ENOX1: variants seen among roughly 807,000 people sequenced by gnomAD.
ENOX1 encodes candidate growth-related and time keeping constitutive hydroquinone (NADH) oxidase.
ENOX1 carries 42 observed loss-of-function variants against 82.5 expected under a neutral mutation model. The ratio of observed to expected loss-of-function variants is 0.51; its 90% CI spans 0.40 to 0.66. The LOEUF (loss-of-function observed/expected upper bound fraction) is 0.66, where lower values mean the gene tolerates loss of function less well. Ranked by LOEUF, ENOX1 falls within the 30% of genes least tolerant of loss-of-function variation. The pLI is 0.00. For synonymous variants in ENOX1, 271 were observed against 282.2 expected, an observed-to-expected ratio of 0.96 and a Z score of 0.40; for missense variants, 608 against 811.6, an observed-to-expected ratio of 0.75 and a Z score of 3.05.
chr13:43,620,625 C>A (rs1157525285), intron 2 of ENOX1, among the ~76,000 whole-genome samples: 1 of 151,986 alleles, frequency 6.6e-6, no homozygotes, highest in Non-Finnish European at 1.5e-5. Context: ...GATATAATTT[C>A]GATTTTCTTA....
intron 3 of ENOX1, among the ~76,000 whole-genome samples, chr13:43,418,539 T>A (rs2054777143): frequency 6.6e-6 from 1 of 152,090 alleles, no homozygotes; most frequent in Non-Finnish European, 1.5e-5. Flanking sequence ...AAAATAAAAA[T>A]AAATAAAAAT....
At position 43,711,188 on chromosome 13, in the gene ENOX1, C is replaced by A. The variant is rs544330931; in HGVS notation, c.-284-43644G>T. Among the ~76,000 whole-genome samples the A allele has an allele frequency of 2.1e-4, 31 of 150,628 alleles. 1 individual carries two copies. In the South Asian group the frequency reaches 6.3e-3, roughly 31 times the overall value. On this transcript the variant is annotated intron_variant, in intron 1 of 16. Coordinates refer to ENST00000690772, the MANE Select transcript of ENOX1 (RefSeq NM_001347969.2). ...TGCGGTGTTTGGTTTTTTGTCCTTG[C>A]GATAGTTTGCTTAGAATGATGGTTT... is the stretch of plus-strand genomic sequence containing the variant.
intron 1 of ENOX1, among the ~76,000 whole-genome samples, chr13:43,749,686 T>C (rs1045921153): frequency 1.3e-5 from 2 of 152,250 alleles, no homozygotes; most frequent in Admixed American, 6.5e-5. Context: ...TTTTCTGTAC[T>C]GAGAGTAACA....
intron 3 of ENOX1, among the ~76,000 whole-genome samples, chr13:43,471,379 TC>T (rs1178158326): frequency 2.0e-5 from 3 of 152,102 alleles, no homozygotes; most frequent in Non-Finnish European, 4.4e-5. Context: ...GGAAATTCAC[TC>T]ATAAAAGTTG....
chr13:43,262,715 G>T (rs1435036801), intron 14 of ENOX1, among the ~76,000 whole-genome samples: 1 of 152,114 alleles, frequency 6.6e-6, no homozygotes, highest in South Asian at 2.1e-4. Context: ...AGGCTCAAGA[G>T]ATCCGCCCAC....
intron 5 of ENOX1, among the ~76,000 whole-genome samples, chr13:43,372,329 G>T (rs1429441542): frequency 1.3e-5 from 2 of 152,236 alleles, no homozygotes; most frequent in Non-Finnish European, 2.9e-5. Context: ...TGTGTTCACA[G>T]AATAAATGGA....
intron 12 of ENOX1, among the ~76,000 whole-genome samples, chr13:43,271,900 T>A (rs1025387514): frequency 1.2e-4 from 18 of 152,156 alleles, no homozygotes; most frequent in Non-Finnish European, 2.4e-4. Flanking sequence ...TTTTGTGTGT[T>A]TTTTTATGTG....
At chr13:43,524,004 T>G (rs1184494713) in intron 2 of ENOX1, among the ~76,000 whole-genome samples, 1 of 151,858 alleles carries the variant, frequency 6.6e-6, no homozygotes, top group Admixed American at 6.6e-5. Flanking sequence ...CCAAGTAATC[T>G]GCTCCCTTTC....
chr13:43,261,756 G>A (rs977123733), intron 14 of ENOX1, among the ~76,000 whole-genome samples: 10 of 142,942 alleles, frequency 7.0e-5, no homozygotes, highest in Admixed American at 3.7e-4. Context: ...ACCAAACACT[G>A]CATATTCTCA....
At chr13:43,439,585 A>T (rs912727295) in intron 3 of ENOX1, among the ~76,000 whole-genome samples, 3 of 152,184 alleles carry the variant, frequency 2.0e-5, no homozygotes, top group Non-Finnish European at 4.4e-5. Context: ...TGGCTGAGAG[A>T]TTACTGGACT....
intron 2 of ENOX1, among the ~76,000 whole-genome samples, chr13:43,487,186 A>AAG (rs1491169884): frequency 2.0e-5 from 3 of 152,006 alleles, no homozygotes; most frequent in Non-Finnish European, 4.4e-5. Flanking sequence ...AAAAAAAAAA[A>AAG]AGTTAGGAAA....
intron 16 of ENOX1, among the ~76,000 whole-genome samples, chr13:43,222,884 G>GA (rs2041860877): frequency 6.6e-6 from 1 of 151,986 alleles, no homozygotes. Context: ...AAACCACAAT[G>GA]AAAAAAATAG....
chr13:43,441,275 A>C (rs1420386187), intron 3 of ENOX1, among the ~76,000 whole-genome samples: 1 of 152,238 alleles, frequency 6.6e-6, no homozygotes, highest in Non-Finnish European at 1.5e-5. Context: ...ATGACTTATA[A>C]GAAAAAAAAT....
At chr13:43,623,064 C>G (rs1327086017) in intron 2 of ENOX1, among the ~76,000 whole-genome samples, 1 of 152,102 alleles carries the variant, frequency 6.6e-6, no homozygotes, top group Non-Finnish European at 1.5e-5. Flanking sequence ...ACAGGCCTTA[C>G]CCAGCTCCCA....
intron 2 of ENOX1, among the ~76,000 whole-genome samples, chr13:43,583,037 G>C (rs997693132): frequency 6.6e-6 from 1 of 151,940 alleles, no homozygotes; most frequent in Non-Finnish European, 1.5e-5. Flanking sequence ...ACACAGCCTA[G>C]ATGGTTTCAT....
chr13:43,320,931 G>A (rs1044459112), intron 11 of ENOX1, among the ~76,000 whole-genome samples: 2 of 152,218 alleles, frequency 1.3e-5, no homozygotes, highest in African/African-American at 4.8e-5. Context: ...TGTGAGGAAG[G>A]TGGTCTCCTC....
At chr13:43,570,698 G>T (rs2080139463) in intron 2 of ENOX1, among the ~76,000 whole-genome samples, 1 of 152,074 alleles carries the variant, frequency 6.6e-6, no homozygotes, top group Non-Finnish European at 1.5e-5. Context: ...GTGAATGAGT[G>T]CCTTTCATCC....
intron 3 of ENOX1, among the ~76,000 whole-genome samples, chr13:43,420,445 G>T (rs1262803194): frequency 6.6e-6 from 1 of 152,146 alleles, no homozygotes; most frequent in Non-Finnish European, 1.5e-5. Flanking sequence ...TTATTGTAGT[G>T]GGTTACTAAT....
intron 5 of ENOX1, among the ~76,000 whole-genome samples, chr13:43,399,141 G>T (rs2053341752): frequency 6.6e-6 from 1 of 151,970 alleles, no homozygotes; most frequent in Non-Finnish European, 1.5e-5. Flanking sequence ...ACTTTACTGT[G>T]AGAATATAGC....
Sources: allele counts gnomAD v4.1 joint callset (sites outside exome capture counted in the v4.1 genomes callset), GRCh38; gene constraint gnomAD v4.1.1; transcripts MANE v1.5; gene names NCBI Gene and HGNC (gene_info 2026-07-23, HGNC 2026-07-21).